The following ATP9B variants were observed in gnomAD, a reference collection of about 807,000 sequenced individuals.
ATP9B encodes ATPase phospholipid transporting 9B.
In ATP9B, 110 loss-of-function variants were observed where a neutral mutation model predicts 146.1. The observed-to-expected ratio is 0.75, with a 90% CI of 0.65 to 0.88. The LOEUF (loss-of-function observed/expected upper bound fraction) is 0.88. Among genes scored for constraint, ATP9B ranks in the 40% least tolerant of loss-of-function variants. The probability of loss-of-function intolerance (pLI) is 0.00; values close to 1 mark genes in which losing one functional copy is unlikely to be tolerated. For missense variants in ATP9B, 1,499 were observed against 1,496.4 expected (o/e 1.00, Z -0.03); for synonymous variants, 604 against 569.7 (o/e 1.06, Z -0.86).
chr18:79,076,689 G>A (rs2072661625), intron 1 of ATP9B, among the ~76,000 whole-genome samples: 1 of 152,052 alleles, frequency 6.6e-6, no homozygotes, highest in African/African-American at 2.4e-5. Flanking sequence ...CTATAAGTTT[G>A]TGTCTTTTGT....
In ATP9B at chr18:79,375,431, G is replaced by A. The variant is rs201264251; in HGVS notation, c.3307+5G>A. On this transcript the variant is annotated splice_donor_5th_base_variant and intron_variant, in intron 29 of 29. Transcript: ENST00000426216. ...TGTCTTTTGGAGCTTTCTTAGGTAGGTAAAGTTATCATTTCTTTCAAAAGT... is the reference window on the plus strand; with the variant it reads ...TGTCTTTTGGAGCTTTCTTAGGTAGATAAAGTTATCATTTCTTTCAAAAGT... The A allele has an allele frequency of 1.7e-5, 27 of 1,611,988 alleles. 1 individual carries two copies. The Middle Eastern group carries it at 1.5e-3, about 88-fold the overall frequency.
intron 12 of ATP9B, among the ~76,000 whole-genome samples, chr18:79,276,011 G>T (rs1160298247): frequency 6.6e-6 from 1 of 152,196 alleles, no homozygotes; most frequent in Non-Finnish European, 1.5e-5. Context: ...TAATAGTTGA[G>T]CTATGTGAAT....
chr18:79,072,788 C>G (rs1249368962), intron 1 of ATP9B, among the ~76,000 whole-genome samples: 1 of 151,906 alleles, frequency 6.6e-6, no homozygotes, highest in African/African-American at 2.4e-5. Flanking sequence ...TGCTTCTCAC[C>G]TCCCAGATGG....
intron 8 of ATP9B, among the ~76,000 whole-genome samples, chr18:79,186,506 G>T (rs1258335216): frequency 6.6e-6 from 1 of 151,902 alleles, no homozygotes; most frequent in African/African-American, 2.4e-5. Flanking sequence ...TTATTTTCAT[G>T]TATCAAAAAG....
chr18:79,071,399 C>CTTTTTTTTTT (rs56119715), intron 1 of ATP9B, among the ~76,000 whole-genome samples: 1,134 of 69,210 alleles, frequency 0.016, 202 homozygotes, highest in African/African-American at 0.039. Context: ...ATTGTTCTTC[C>CTTTTTTTTTT]TTTTTTTTTT....
intron 1 of ATP9B, among the ~76,000 whole-genome samples, chr18:79,090,453 G>A (rs768997571): frequency 2.0e-5 from 3 of 151,978 alleles, no homozygotes; most frequent in African/African-American, 7.3e-5. Flanking sequence ...TTGTCCTTTG[G>A]GTATAAGCCA....
chr18:79,184,987 A>G (rs2095291914), intron 8 of ATP9B, among the ~76,000 whole-genome samples: 1 of 152,130 alleles, frequency 6.6e-6, no homozygotes, highest in Non-Finnish European at 1.5e-5. Flanking sequence ...TGTCTGAAAA[A>G]AAAAAACCCA....
chr18:79,344,226 A>G (rs970274509), intron 20 of ATP9B, 39 bp from the exon 21 acceptor site: 8 of 1,571,848 alleles, frequency 5.1e-6, no homozygotes, highest in Non-Finnish European at 6.1e-6. Flanking sequence ...TAACTTAGAC[A>G]ACATTTTAAT....
chr18:79,211,324 A>G (rs141193490), intron 10 of ATP9B, among the ~76,000 whole-genome samples: 8 of 152,352 alleles, frequency 5.3e-5, no homozygotes, highest in Non-Finnish European at 1.0e-4. Context: ...AATTTTCTAT[A>G]TAGCCTGTAG....
intron 9 of ATP9B, among the ~76,000 whole-genome samples, chr18:79,203,999 A>G (rs2095512432): frequency 6.6e-6 from 1 of 152,218 alleles, no homozygotes; most frequent in Non-Finnish European, 1.5e-5. Context: ...AAGTAGTCTA[A>G]TCCATAGAGG....
At chr18:79,366,882 C>G (rs943597348) in intron 26 of ATP9B, among the ~76,000 whole-genome samples, 14 of 152,250 alleles carry the variant, frequency 9.2e-5, no homozygotes, top group African/African-American at 3.4e-4. Context: ...ATCAGTGAGG[C>G]TGGTGCGGGA....
At chr18:79,117,258 A>G (rs935136939) in intron 4 of ATP9B, 13 of 152,238 alleles carry the variant, frequency 8.5e-5, no homozygotes, top group Non-Finnish European at 1.6e-4. Context: ...AACAGTGAAC[A>G]AGACAAACCA....
At chr18:79,202,154 A>G (rs542141097) in intron 9 of ATP9B, among the ~76,000 whole-genome samples, 83 of 152,314 alleles carry the variant, frequency 5.4e-4, no homozygotes, top group Middle Eastern at 6.8e-3. Flanking sequence ...AATCTAATGG[A>G]GATGTGGCGC....
At chr18:79,104,452 C>A (rs1181101726) in intron 2 of ATP9B, among the ~76,000 whole-genome samples, 9 of 152,120 alleles carry the variant, frequency 5.9e-5, no homozygotes, top group Non-Finnish European at 1.2e-4. Flanking sequence ...CAGTAGCATA[C>A]CAGCACTGTA....
intron 26 of ATP9B, among the ~76,000 whole-genome samples, chr18:79,371,370 T>TAAAA (rs59110010): frequency 4.1e-5 from 4 of 98,118 alleles, no homozygotes; most frequent in Non-Finnish European, 7.7e-5. Flanking sequence ...GACTCCGTCT[T>TAAAA]AAAAAAAAAA....
rs761594951 is a variant in ATP9B, at chr18:79,377,350, C to T, written c.3411C>T (p.Leu1137=). The T allele has an allele frequency of 6.2e-7, 1 of 1,610,694 alleles. No homozygotes were observed. The highest frequency in any genetic ancestry group is 1.1e-5 in the South Asian group (1 of 91,078). ...TCCTCAAGTACCTGAGGCGCAAGCT[C>T]TCTCCTCCCAGCTACTGCAAGCTGG... is the stretch of plus-strand genomic sequence containing the variant. ...LYVLKYLRRK[L]SPPSYCKLAS is the part of the protein sequence containing the mutation. Residue 1137 remains leucine (L), a synonymous_variant, in exon 30 of 30, where the codon CTC becomes CTT. Transcript: ENST00000426216.
chr18:79,158,606 A>G (rs974276267), intron 7 of ATP9B, among the ~76,000 whole-genome samples: 1 of 152,170 alleles, frequency 6.6e-6, no homozygotes, highest in Non-Finnish European at 1.5e-5. Context: ...TTCATTGTTT[A>G]TTAATGAATA....
chr18:79,238,524 T>C (rs755496013), intron 11 of ATP9B, among the ~76,000 whole-genome samples: 13 of 152,178 alleles, frequency 8.5e-5, no homozygotes, highest in Non-Finnish European at 1.8e-4. Context: ...CCCCTCCGTG[T>C]ACTCCCTGGT....
chr18:79,355,457 CA>C (rs1011080604), intron 25 of ATP9B, among the ~76,000 whole-genome samples: 2 of 149,746 alleles, frequency 1.3e-5, no homozygotes, highest in East Asian at 2.0e-4. Flanking sequence ...ATAACCCAGA[CA>C]AAAAAAAATG....
Sources: gnomAD v4.1 joint callset for allele counts (sites outside exome capture counted in the v4.1 genomes callset) on GRCh38, gnomAD v4.1.1 for gene constraint, MANE v1.5 for transcripts, NCBI Gene and HGNC (gene_info 2026-07-23, HGNC 2026-07-21) for gene names.